CCDC39: variants seen among roughly 807,000 people sequenced by gnomAD.
CCDC39 encodes coiled-coil domain 39 molecular ruler complex subunit.
In CCDC39, 113 loss-of-function variants were observed where a neutral mutation model predicts 121.0. The ratio of observed to expected loss-of-function variants is 0.93; its 90% confidence interval spans 0.80 to 1.09. The LOEUF (loss-of-function observed/expected upper bound fraction) is 1.09, where lower values mean the gene tolerates loss of function less well. CCDC39 is among the 50% of genes least tolerant of loss of function. The probability of loss-of-function intolerance (pLI) is 0.00; values close to 1 mark genes in which losing one functional copy is unlikely to be tolerated. For synonymous variants in CCDC39, 349 were observed against 352.2 expected, an observed-to-expected ratio of 0.99 and a Z score of 0.10; for missense variants, 1,063 against 1,074.7, an observed-to-expected ratio of 0.99 and a Z score of 0.15.
chr3:180,654,984 T>C (rs759334425), intron 6 of CCDC39, 31 bp from the exon 7 acceptor site: 5 of 1,355,850 alleles, frequency 3.7e-6, no homozygotes, highest in Non-Finnish European at 4.9e-6. Flanking sequence ...TTTACTTAAA[T>C]ATATGTTTAA....
chr3:180,677,143 TATAATA>T (rs1360650472), intron 1 of CCDC39, among the ~76,000 whole-genome samples: 3 of 110,176 alleles, frequency 2.7e-5, no homozygotes, highest in African/African-American at 3.7e-5. Flanking sequence ...CTTAAAGTAT[TATAATA>T]ATAATAATAA....
At position 180,615,019 on chromosome 3, in the gene CCDC39, T is replaced by G. The variant is rs1717176978; in HGVS notation, c.2728A>C (p.Lys910Gln). The change falls in exon 20 of 20, where the codon AAA becomes CAA. Residue 910 changes from lysine (K) to glutamine (Q), a missense_variant. Transcript: ENST00000476379. ...ACTAGTGAAGAGGAGGCCGGGAATT[T>G]AAGCTCCAGTACTTTAATTGAAGAC... ...SQSSIKVLEL[K>Q]FPASSSLVGS... is the part of the protein sequence containing the mutation. The G allele has an allele frequency of 1.3e-6, 2 of 1,559,344 alleles. No homozygotes were observed. The highest frequency in any genetic ancestry group is 3.9e-5 in the Admixed American group (2 of 51,746).
intron 13 of CCDC39, among the ~76,000 whole-genome samples, chr3:180,640,112 TG>T (rs1432035421): frequency 1.3e-5 from 2 of 152,020 alleles, no homozygotes; most frequent in South Asian, 2.1e-4. Context: ...AAGAAACTTG[TG>T]GGGGTGATGG....
intron 13 of CCDC39, among the ~76,000 whole-genome samples, chr3:180,637,107 G>T (rs1717847333): frequency 6.6e-6 from 1 of 152,126 alleles, no homozygotes; most frequent in Non-Finnish European, 1.5e-5. Context: ...AAGAGCTTCT[G>T]CACGGCAAAG....
chr3:180,659,377 A>G, intron 6 of CCDC39, 75 bp downstream of exon 6: 1 of 1,547,946 alleles, frequency 6.5e-7, no homozygotes, highest in Non-Finnish European at 8.8e-7. Context: ...AATGTGATTT[A>G]CATTTGGAAT....
intron 1 of CCDC39, among the ~76,000 whole-genome samples, chr3:180,676,996 TGGGG>T (rs924957503): frequency 1.0e-4 from 15 of 150,666 alleles, no homozygotes; most frequent in African/African-American, 3.7e-4. Flanking sequence ...GGGCCTGTTG[TGGGG>T]TGTGGGCAGC....
chr3:180,647,967 T>TATTTC (rs1448662487), intron 10 of CCDC39, among the ~76,000 whole-genome samples, 198 bp downstream of exon 10: 1 of 152,072 alleles, frequency 6.6e-6, no homozygotes, highest in Non-Finnish European at 1.5e-5. Context: ...CTTGCCTGTT[T>TATTTC]ATTTCAGATT....
intron 13 of CCDC39, among the ~76,000 whole-genome samples, chr3:180,633,698 G>A (rs890948333): frequency 3.9e-5 from 6 of 152,144 alleles, no homozygotes; most frequent in Non-Finnish European, 7.3e-5. Flanking sequence ...GGAGAAAACA[G>A]GAGAGTATGA....
At chr3:180,634,666 C>T (rs1273220065) in intron 13 of CCDC39, among the ~76,000 whole-genome samples, 1 of 152,104 alleles carries the variant, frequency 6.6e-6, no homozygotes, top group Non-Finnish European at 1.5e-5. Context: ...GAGAGAGCAG[C>T]CCCCACTTAC....
chr3:180,667,722 C>T (rs1711923978), intron 1 of CCDC39, among the ~76,000 whole-genome samples: 4 of 152,062 alleles, frequency 2.6e-5, no homozygotes, highest in African/African-American at 9.7e-5. Flanking sequence ...AATAACCTTG[C>T]GATGGCCTCT....
chr3:180,638,196 T>C (rs1717875950), intron 13 of CCDC39, among the ~76,000 whole-genome samples: 1 of 151,842 alleles, frequency 6.6e-6, no homozygotes, highest in Admixed American at 6.6e-5. Flanking sequence ...AAAGAGAGTG[T>C]CCCAAAGCTT....
chr3:180,665,419 G>A (rs150689647), intron 1 of CCDC39, among the ~76,000 whole-genome samples: 4 of 152,182 alleles, frequency 2.6e-5, no homozygotes, highest in African/African-American at 7.2e-5. Flanking sequence ...TCTCCTGAGG[G>A]TACACAACAC....
At chr3:180,670,006 G>C (rs1711988572) in intron 1 of CCDC39, among the ~76,000 whole-genome samples, 1 of 151,924 alleles carries the variant, frequency 6.6e-6, no homozygotes, top group Admixed American at 6.6e-5. Flanking sequence ...CATTGTTCCT[G>C]GCACATAGTA....
At position 180,661,876 on chromosome 3, in the gene CCDC39, C is replaced by A; in HGVS notation, c.342G>T (p.Lys114Asn). 1.3e-6 allele frequency: 2 copies of A among 1,584,042 alleles called. No homozygotes were observed. The highest frequency in any genetic ancestry group is 1.7e-6 in the Non-Finnish European group (2 of 1,163,384). Reference protein sequence around the residue: ...LENEMASILEKKSDKENGIFK... With the variant: ...LENEMASILENKSDKENGIFK... ...CAACATATACTTCTTTATCACTTTT[C>A]TTTTCCAGTATTGAAGCCATCTCAT... Residue 114 changes from lysine (K) to asparagine (N), a missense_variant, in exon 3 of 20, where the codon AAG becomes AAT. Transcript: ENST00000476379.
At chr3:180,668,471 T>C (rs1486612986) in intron 1 of CCDC39, among the ~76,000 whole-genome samples, 1 of 152,162 alleles carries the variant, frequency 6.6e-6, no homozygotes, top group Non-Finnish European at 1.5e-5. Context: ...TTTTCTTCCC[T>C]AATGGCTAGT....
At chr3:180,678,653 C>G (rs1199504476) in intron 1 of CCDC39, among the ~76,000 whole-genome samples, 1 of 151,490 alleles carries the variant, frequency 6.6e-6, no homozygotes, top group Non-Finnish European at 1.5e-5. Flanking sequence ...TGCGCCCGGC[C>G]TGCAATTTTT....
chr3:180,660,513 G>C, intron 4 of CCDC39, 57 bp downstream of exon 4: 3 of 1,407,374 alleles, frequency 2.1e-6, no homozygotes, highest in East Asian at 5.1e-5. Flanking sequence ...TAGGTAAATA[G>C]GTTGACATAC....
chr3:180,669,326 T>C (rs1350559203), intron 1 of CCDC39, among the ~76,000 whole-genome samples: 1 of 152,102 alleles, frequency 6.6e-6, no homozygotes, highest in Non-Finnish European at 1.5e-5. Context: ...CACTTTCACC[T>C]CCAAATGAAC....
At chr3:180,664,026 A>T in intron 1 of CCDC39, 40 bp from the exon 2 acceptor site, 1 of 1,564,098 alleles carries the variant, frequency 6.4e-7, no homozygotes. Context: ...AAGTCCTATT[A>T]AGTTTTACCA....
Sources: allele counts gnomAD v4.1 joint callset (sites outside exome capture counted in the v4.1 genomes callset), GRCh38; gene constraint gnomAD v4.1.1; transcripts MANE v1.5; gene names NCBI Gene and HGNC (gene_info 2026-07-23, HGNC 2026-07-21).